Variants in CNTNAP2 observed in about 807,000 individuals in gnomAD.
CNTNAP2 encodes contactin associated protein 2.
CNTNAP2 carries 98 observed loss-of-function variants against 155.2 expected under a neutral mutation model. That is an observed-to-expected ratio of 0.63 (90% confidence interval 0.54 to 0.75). The LOEUF (loss-of-function observed/expected upper bound fraction) is 0.75, where lower values mean the gene tolerates loss of function less well. CNTNAP2 is among the 30% of genes least tolerant of loss of function. The probability of loss-of-function intolerance (pLI) is 0.00; values close to 1 mark genes in which losing one functional copy is unlikely to be tolerated. For synonymous variants in CNTNAP2, 651 were observed against 631.2 expected (o/e 1.03, Z -0.47); for missense variants, 1,727 against 1,688.1 (o/e 1.02, Z -0.40).
chr7:146,198,111 C>T (rs1798802901), intron 1 of CNTNAP2, among the ~76,000 whole-genome samples: 1 of 152,090 alleles, frequency 6.6e-6, no homozygotes, highest in South Asian at 2.1e-4. Context: ...CCAAGTCCCT[C>T]CCTACACATG....
chr7:146,871,143 C>T (rs539383263), intron 3 of CNTNAP2, among the ~76,000 whole-genome samples: 5 of 152,140 alleles, frequency 3.3e-5, no homozygotes, highest in South Asian at 4.2e-4. Context: ...GTATATGTGA[C>T]GAATTAGGCA....
intron 1 of CNTNAP2, among the ~76,000 whole-genome samples, chr7:146,542,947 A>G (rs1797973156): frequency 6.6e-6 from 1 of 151,960 alleles, no homozygotes; most frequent in South Asian, 2.1e-4. Context: ...TGGTCAAAGG[A>G]TACAAAATTT....
rs577797697 is a variant in CNTNAP2, at chr7:148,223,937, G to A, written c.3248-5709G>A. On this transcript the variant is annotated intron_variant, in intron 19 of 23. Transcript: ENST00000361727. ...GTTTTGCATAATTGCCGGTTCCTCC[G>A]ACCTCTAGGCCTCTGTGTGTTTGTA... Among the ~76,000 whole-genome samples the A allele has an allele frequency of 3.6e-4, 55 of 152,284 alleles. 1 individual carries two copies. Among genetic ancestry groups the A allele is most frequent in the African/African-American group, 1.2e-3 (51 of 41,564 alleles).
chr7:146,839,929 G>C (rs1483475287), intron 3 of CNTNAP2, 25 bp downstream of exon 3: 1 of 1,612,272 alleles, frequency 6.2e-7, no homozygotes, highest in African/African-American at 1.3e-5. Flanking sequence ...GGAAAGCAAA[G>C]ACACAGAATT....
chr7:147,997,254 G>A (rs1342982994), intron 15 of CNTNAP2, among the ~76,000 whole-genome samples: 1 of 152,182 alleles, frequency 6.6e-6, no homozygotes, highest in Non-Finnish European at 1.5e-5. Context: ...TGTCTTCTTA[G>A]TTTAAAAGAA....
chr7:146,149,997 A>G (rs530759458), intron 1 of CNTNAP2, among the ~76,000 whole-genome samples: 2 of 152,192 alleles, frequency 1.3e-5, no homozygotes, highest in East Asian at 1.9e-4. Context: ...AAGCTAAGCT[A>G]TGGGAGAAAA....
intron 3 of CNTNAP2, among the ~76,000 whole-genome samples, chr7:146,878,718 G>C (rs999528161): frequency 6.6e-6 from 1 of 151,922 alleles, no homozygotes; most frequent in African/African-American, 2.4e-5. Flanking sequence ...AAGTACATCA[G>C]CTTTCTCGCT....
At chr7:148,132,767 G>C (rs1255694939) in intron 16 of CNTNAP2, among the ~76,000 whole-genome samples, 1 of 152,206 alleles carries the variant, frequency 6.6e-6, no homozygotes, top group Non-Finnish European at 1.5e-5. Flanking sequence ...TTTGTTGGGA[G>C]CCTCATTTTG....
chr7:147,609,640 A>G (rs1438508703), intron 12 of CNTNAP2, among the ~76,000 whole-genome samples: 3 of 152,054 alleles, frequency 2.0e-5, no homozygotes, highest in African/African-American at 7.2e-5. Flanking sequence ...GTGCTATAGG[A>G]AAAAATAGAG....
chr7:147,073,752 A>T (rs749659098), intron 4 of CNTNAP2, among the ~76,000 whole-genome samples: 12 of 152,194 alleles, frequency 7.9e-5, no homozygotes, highest in Non-Finnish European at 1.6e-4. Flanking sequence ...CTAAGAGATC[A>T]TGCAAGATGA....
chr7:148,128,570 C>A (rs984217920), intron 16 of CNTNAP2, among the ~76,000 whole-genome samples: 9 of 152,106 alleles, frequency 5.9e-5, no homozygotes, highest in Non-Finnish European at 1.2e-4. Context: ...GTTGGTAAAT[C>A]AATTTAGATT....
chr7:147,212,251 CA>C (rs1431168348), intron 8 of CNTNAP2, among the ~76,000 whole-genome samples: 3 of 151,968 alleles, frequency 2.0e-5, no homozygotes, highest in Non-Finnish European at 4.4e-5. Flanking sequence ...GATATATATC[CA>C]AAAGAAAACA....
intron 8 of CNTNAP2, among the ~76,000 whole-genome samples, chr7:147,175,434 T>C (rs1044994461): frequency 2.0e-5 from 3 of 152,216 alleles, no homozygotes; most frequent in Non-Finnish European, 4.4e-5. Flanking sequence ...TATTAAATGC[T>C]ACTACTCAAT....
chr7:147,516,192 A>C (rs1205395296), intron 11 of CNTNAP2, among the ~76,000 whole-genome samples: 1 of 152,212 alleles, frequency 6.6e-6, no homozygotes, highest in Non-Finnish European at 1.5e-5. Flanking sequence ...AAATATTTCC[A>C]GGAAGTGTTA....
At chr7:147,765,813 A>G (rs1474283559) in intron 13 of CNTNAP2, among the ~76,000 whole-genome samples, 1 of 152,232 alleles carries the variant, frequency 6.6e-6, no homozygotes, top group Non-Finnish European at 1.5e-5. Context: ...CTAATTCAGC[A>G]GTTTATTCTA....
At chr7:147,030,847 G>A (rs904570411) in intron 3 of CNTNAP2, among the ~76,000 whole-genome samples, 2 of 152,078 alleles carry the variant, frequency 1.3e-5, no homozygotes, top group African/African-American at 2.4e-5. Flanking sequence ...TTACACCACT[G>A]CACTTCAGCC....
At chr7:148,314,114 C>T (rs1265722564) in intron 21 of CNTNAP2, among the ~76,000 whole-genome samples, 2 of 151,848 alleles carry the variant, frequency 1.3e-5, no homozygotes, top group African/African-American at 2.4e-5. Context: ...GAACCTAGCT[C>T]GACCTGGCAA....
chr7:147,619,314 A>C (rs1279995261), intron 12 of CNTNAP2, among the ~76,000 whole-genome samples: 1 of 152,242 alleles, frequency 6.6e-6, no homozygotes, highest in East Asian at 1.9e-4. Flanking sequence ...TATGGGAATA[A>C]GATTCTTAAT....
At chr7:146,198,501 T>C (rs534381853) in intron 1 of CNTNAP2, among the ~76,000 whole-genome samples, 3 of 152,198 alleles carry the variant, frequency 2.0e-5, no homozygotes, top group Non-Finnish European at 4.4e-5. Flanking sequence ...TTTAATTGGG[T>C]GTTGCTAGTG....
Sources: gnomAD v4.1 joint callset for allele counts (sites outside exome capture counted in the v4.1 genomes callset) on GRCh38, gnomAD v4.1.1 for gene constraint, MANE v1.5 for transcripts, NCBI Gene and HGNC (gene_info 2026-07-23, HGNC 2026-07-21) for gene names.